Variants in ASTN1 observed in about 807,000 individuals in gnomAD.
ASTN1 encodes the protein astrotactin-1.
Under a neutral mutation model 140.7 loss-of-function variants are expected in ASTN1, and 41 were observed. The observed-to-expected ratio is 0.29, with a 90% CI of 0.23 to 0.38. ASTN1 has a LOEUF of 0.38. Ranked by LOEUF, ASTN1 falls within the 10% of genes least tolerant of loss-of-function variation. The pLI, the probability that ASTN1 is intolerant of heterozygous loss-of-function variation, is 1.00. For missense variants in ASTN1, 1,479 were observed against 1,678.8 expected (o/e 0.88, Z 2.08); for synonymous variants, 640 against 652.2 (o/e 0.98, Z 0.29).
chr1:177,035,845 C>T (rs959244446), intron 2 of ASTN1, among the ~76,000 whole-genome samples: 5 of 152,116 alleles, frequency 3.3e-5, no homozygotes, highest in African/African-American at 1.2e-4. Context: ...ATTCTCTTAA[C>T]CATGTGTGGA....
intron 1 of ASTN1, among the ~76,000 whole-genome samples, chr1:177,076,964 T>C (rs983381348): frequency 1.3e-5 from 2 of 152,176 alleles, no homozygotes; most frequent in African/African-American, 4.8e-5. Flanking sequence ...TGCAGATTGA[T>C]TGGAGTTAGA....
At chr1:177,133,195 C>G (rs1306053648) in intron 1 of ASTN1, among the ~76,000 whole-genome samples, 1 of 152,156 alleles carries the variant, frequency 6.6e-6, no homozygotes, top group Non-Finnish European at 1.5e-5. Flanking sequence ...ACTGGAAGAA[C>G]TATTAGGCAA....
chr1:176,936,288 G>C lies in ASTN1; in HGVS notation c.2460C>G (p.Leu820=). Residue 820 remains leucine, a synonymous_variant, in exon 15 of 23, where the codon CTC becomes CTG. Transcript: ENST00000361833. Reference sequence around the variant, plus strand: ...CACCCTGAGAGATGGCCACTTGGTTGAGTTTGATGTGGTACATCACAGACC... The same window carrying C: ...CACCCTGAGAGATGGCCACTTGGTTCAGTTTGATGTGGTACATCACAGACC... ...KVRSVMYHIK[L]NQVAISQALS... 1.2e-6 allele frequency: 2 copies of C among 1,614,050 alleles called. No homozygotes were observed. Among genetic ancestry groups the C allele is most frequent in the Non-Finnish European group, 1.7e-6 (2 of 1,179,942 alleles).
At chr1:177,139,251 G>A (rs1348117001) in intron 1 of ASTN1, among the ~76,000 whole-genome samples, 1 of 152,176 alleles carries the variant, frequency 6.6e-6, no homozygotes, top group Non-Finnish European at 1.5e-5. Context: ...TGCAAAGTGA[G>A]CAATTAAGTA....
intron 1 of ASTN1, among the ~76,000 whole-genome samples, chr1:177,095,213 G>A (rs1224298828): frequency 6.6e-6 from 1 of 152,162 alleles, no homozygotes; most frequent in African/African-American, 2.4e-5. Context: ...CAAAAGGAAA[G>A]CAGAATTTAA....
At chr1:177,143,371 C>A (rs1484847212) in intron 1 of ASTN1, among the ~76,000 whole-genome samples, 1 of 152,160 alleles carries the variant, frequency 6.6e-6, no homozygotes, top group Non-Finnish European at 1.5e-5. Flanking sequence ...ATAGGGAAGT[C>A]AGATTTGCTA....
intron 2 of ASTN1, among the ~76,000 whole-genome samples, chr1:177,050,072 C>T (rs919537582): frequency 2.6e-5 from 4 of 152,164 alleles, no homozygotes; most frequent in Non-Finnish European, 5.9e-5. Context: ...GTTTACCTCA[C>T]GTAAGAATGT....
intron 11 of ASTN1, among the ~76,000 whole-genome samples, chr1:176,951,076 C>T (rs1672172190): frequency 6.6e-6 from 1 of 152,198 alleles, no homozygotes; most frequent in Non-Finnish European, 1.5e-5. Flanking sequence ...AACAAATGGC[C>T]CCCTGTGGGC....
intron 1 of ASTN1, among the ~76,000 whole-genome samples, chr1:177,107,295 C>T (rs915276490): frequency 3.9e-5 from 6 of 152,250 alleles, no homozygotes; most frequent in Admixed American, 3.9e-4. Context: ...TAATACAATA[C>T]ACTCCATTCT....
chr1:176,929,731 G>A (rs985325869), intron 16 of ASTN1, among the ~76,000 whole-genome samples: 3 of 152,138 alleles, frequency 2.0e-5, no homozygotes, highest in East Asian at 1.9e-4. Context: ...ATAACAGACC[G>A]GGCACGGTGG....
At chr1:177,067,238 T>C (rs1315860113) in intron 1 of ASTN1, among the ~76,000 whole-genome samples, 1 of 152,034 alleles carries the variant, frequency 6.6e-6, no homozygotes, top group African/African-American at 2.4e-5. Flanking sequence ...ATAACCTCTA[T>C]GAAAGAAATA....
intron 8 of ASTN1, among the ~76,000 whole-genome samples, chr1:176,971,476 T>G (rs1673137523): frequency 6.6e-6 from 1 of 152,218 alleles, no homozygotes; most frequent in African/African-American, 2.4e-5. Flanking sequence ...TTGAGGCCTT[T>G]GCAGATGTTG....
At chr1:176,902,488 C>T (rs113775059) in intron 16 of ASTN1, among the ~76,000 whole-genome samples, 7 of 152,232 alleles carry the variant, frequency 4.6e-5, no homozygotes, top group South Asian at 4.1e-4. Flanking sequence ...AAACAAATAA[C>T]GGTCTGGTTG....
intron 8 of ASTN1, among the ~76,000 whole-genome samples, chr1:177,013,487 AT>A (rs1304641509): frequency 1.3e-5 from 2 of 151,942 alleles, no homozygotes; most frequent in African/African-American, 2.4e-5. Context: ...CTCTTCAATC[AT>A]TTTTATTGCT....
intron 21 of ASTN1, among the ~76,000 whole-genome samples, chr1:176,873,185 C>CA (rs1448057233): frequency 5.9e-5 from 9 of 152,166 alleles, no homozygotes; most frequent in Non-Finnish European, 1.2e-4. Context: ...GATGGATAAA[C>CA]ATTTATGTCT....
At chr1:177,037,178 T>C (rs1336081170) in intron 2 of ASTN1, among the ~76,000 whole-genome samples, 1 of 152,134 alleles carries the variant, frequency 6.6e-6, no homozygotes, top group African/African-American at 2.4e-5. Context: ...TTTCAGTAAA[T>C]ATCATGGATA....
chr1:177,164,335 T>TG (rs978778200), intron 1 of ASTN1, 59 bp downstream of exon 1: 2 of 1,129,672 alleles, frequency 1.8e-6, no homozygotes, highest in Non-Finnish European at 2.2e-6. Context: ...CGAGCTGGAG[T>TG]GGGGGGTGGG....
At chr1:176,920,989 G>A (rs1015404230) in intron 16 of ASTN1, among the ~76,000 whole-genome samples, 3 of 152,328 alleles carry the variant, frequency 2.0e-5, no homozygotes, top group Admixed American at 6.5e-5. Flanking sequence ...ATTTCCAAGA[G>A]AGAGAAGTTA....
chr1:177,081,911 G>A (rs1434655212), intron 1 of ASTN1, among the ~76,000 whole-genome samples: 1 of 152,168 alleles, frequency 6.6e-6, no homozygotes, highest in African/African-American at 2.4e-5. Flanking sequence ...AGTGAAAGGG[G>A]AGGAATTAGC....
Sources: gnomAD v4.1 joint callset for allele counts (sites outside exome capture counted in the v4.1 genomes callset) on GRCh38, gnomAD v4.1.1 for gene constraint, MANE v1.5 for transcripts, NCBI Gene and HGNC (gene_info 2026-07-23, HGNC 2026-07-21) for gene names.